Variants in CASZ1 observed in about 807,000 individuals in gnomAD.
The protein encoded by CASZ1 is castor zinc finger 1.
Under a neutral mutation model 135.2 loss-of-function variants are expected in CASZ1, and 28 were observed. The observed-to-expected ratio is 0.21, with a 90% confidence interval of 0.15 to 0.28. CASZ1 has a LOEUF of 0.28. Ranked by LOEUF, CASZ1 falls within the 10% of genes least tolerant of loss-of-function variation. CASZ1 has a pLI of 1.00. For missense variants in CASZ1, 2,161 were observed against 2,453.3 expected (o/e 0.88, Z 2.52); for synonymous variants, 1,068 against 1,073.4 (o/e 0.99, Z 0.10).
At position 10,774,694 on chromosome 1, in the gene CASZ1, G is replaced by A. The variant is rs74894079; in HGVS notation, c.-233-13837C>T. ...TATCTCCCACCACCTGAGTCAACGC[G>A]GACCCCTCTCTTCCCCAAGTGTGAC... is the stretch of plus-strand genomic sequence containing the variant. On this transcript the variant is annotated intron_variant, in intron 1 of 20. Transcript: ENST00000377022. This position sits in a 1 kb window ranked among gnomAD's most constrained non-coding sequence, Gnocchi z 4.4. Among the ~76,000 whole-genome samples, 247 of 152,110 alleles carry A rather than the reference G, an allele frequency of 1.6e-3. 10 individuals carry two copies. In the East Asian group the frequency reaches 0.043, roughly 27 times the overall value.
At position 10,709,131 on chromosome 1, in the gene CASZ1, G is replaced by A. The variant is rs1301706387; in HGVS notation, c.-76-3587C>T. Reference sequence around the variant, plus strand: ...TGGAGCCGCTGCTGGTCCAGGACTTGGCTTTGGAGCCTCTCACCCACAGCT... The same window carrying A: ...TGGAGCCGCTGCTGGTCCAGGACTTAGCTTTGGAGCCTCTCACCCACAGCT... On this transcript the variant is annotated intron_variant, in intron 2 of 20. Transcript: ENST00000377022. The surrounding 1 kb of genome is among the most constrained non-coding windows in gnomAD (Gnocchi z 5.1). Among the ~76,000 whole-genome samples, 1 of 152,168 alleles carries A rather than the reference G, an allele frequency of 6.6e-6. No individual in the cohort carries two copies. The highest frequency in any genetic ancestry group is 2.4e-5 in the African/African-American group (1 of 41,434).
intron 2 of CASZ1, among the ~76,000 whole-genome samples, chr1:10,728,747 C>G (rs1639641319): frequency 6.6e-6 from 1 of 151,954 alleles, no homozygotes; most frequent in African/African-American, 2.4e-5. Context: ...CTGTGACCGA[C>G]CGTCACATGA....
rs79621985 is a variant in CASZ1 at position 10,780,262 on chromosome 1, C to A, written c.-234+16302G>T. On this transcript the variant is annotated intron_variant, in intron 1 of 20. Transcript: ENST00000377022. ...TTCGGGAAAATGGTACAAATATTCC[C>A]ATTTGTCAAAAGCAAGAAGGAAGTG... Among the ~76,000 whole-genome samples the A allele has an allele frequency of 3.3e-3, 508 of 152,306 alleles. 5 individuals carry two copies. The highest frequency in any genetic ancestry group is 0.011 in the African/African-American group (468 of 41,554).
chr1:10,664,859 T>C (rs111251854), intron 5 of CASZ1, among the ~76,000 whole-genome samples: 1,888 of 150,964 alleles, frequency 0.013, 44 homozygotes, highest in African/African-American at 0.044. Context: ...TGTGGTTTCT[T>C]GAAGACCCAC....
At chr1:10,796,528 G>C (rs1283492739) in intron 1 of CASZ1, 36 bp downstream of exon 1, 2 of 152,440 alleles carry the variant, frequency 1.3e-5, no homozygotes, top group Admixed American at 1.3e-4. Flanking sequence ...GGGGGACGTG[G>C]GGGGGCCGCG....
chr1:10,784,074 C>T lies in CASZ1; in HGVS notation c.-234+12490G>A, dbSNP rs368722758. ...CTGGAGAGGTAAGACCCAGGCCCAC[C>T]GTCACAAAGGTCCTAAGTGGGAAAA... is the stretch of plus-strand genomic sequence containing the variant. On this transcript the variant is annotated intron_variant, in intron 1 of 20. Transcript: ENST00000377022. Among the ~76,000 whole-genome samples, 11 of 152,160 alleles carry T rather than the reference C, an allele frequency of 7.2e-5. No homozygotes were observed. The East Asian group carries it at 9.7e-4, about 13-fold the overall frequency.
intron 3 of CASZ1, 41 bp from the exon 4 acceptor site, chr1:10,693,953 A>G (rs780516144): frequency 6.3e-7 from 1 of 1,595,402 alleles, no homozygotes; most frequent in Non-Finnish European, 8.6e-7. Flanking sequence ...GAGAGAAGAA[A>G]CACGGGGTTA....
rs753798524 is a variant in CASZ1 at position 10,717,108 on chromosome 1, G to A, written c.-76-11564C>T. ...GGAGCAGGAGGGACAGACGGCCAGC[G>A]AGGACACTGGGGAGGGCGTGTCTCC... On this transcript the variant is annotated intron_variant, in intron 2 of 20. Coordinates refer to ENST00000377022, the MANE Select transcript of CASZ1 (RefSeq NM_001079843.3). The surrounding 1 kb of genome is among the most constrained non-coding windows in gnomAD (Gnocchi z 4.6). Among the ~76,000 whole-genome samples, 19 of 152,332 alleles carry A rather than the reference G, an allele frequency of 1.2e-4. No homozygotes were observed. Among genetic ancestry groups the A allele is most frequent in the Admixed American group, 2.0e-4 (3 of 15,308 alleles).
intron 1 of CASZ1, among the ~76,000 whole-genome samples, chr1:10,775,050 G>A (rs992992025): frequency 6.6e-6 from 1 of 151,456 alleles, no homozygotes; most frequent in African/African-American, 2.4e-5. Context: ...GGAAACCGGC[G>A]ACACTGGCTC....
chr1:10,746,667 T>C (rs1356515537), intron 2 of CASZ1, among the ~76,000 whole-genome samples: 1 of 152,214 alleles, frequency 6.6e-6, no homozygotes, highest in Non-Finnish European at 1.5e-5. Context: ...ACCCGGGACC[T>C]TCTCCTAGAG....
At position 10,654,607 on chromosome 1, in the gene CASZ1, T is replaced by A; in HGVS notation, c.1666-16A>T. ...TACAGCCCACCTGCACAGGACGGGA[T>A]GGTGGTCAGGCGAACGGAGGCCAGG... On this transcript the variant is annotated splice_polypyrimidine_tract_variant and intron_variant, in intron 9 of 20. Coordinates refer to ENST00000377022, the MANE Select transcript of CASZ1 (RefSeq NM_001079843.3). 6.2e-7 allele frequency: 1 copy of A among 1,611,016 alleles called. No homozygotes were observed.
intron 1 of CASZ1, among the ~76,000 whole-genome samples, chr1:10,779,099 T>C (rs1416364814): frequency 6.6e-6 from 1 of 152,084 alleles, no homozygotes; most frequent in Non-Finnish European, 1.5e-5. Flanking sequence ...CAAAAGAAAG[T>C]TTGTTGTTGA....
chr1:10,775,745 T>C lies in CASZ1; in HGVS notation c.-233-14888A>G, dbSNP rs189923966. Among the ~76,000 whole-genome samples the C allele has an allele frequency of 2.7e-3, 406 of 152,266 alleles. 1 individual carries two copies. The highest frequency in any genetic ancestry group is 9.5e-3 in the African/African-American group (393 of 41,540). ...GTTCACCAGGTTAATAGAGGCCCGA[T>C]GTCAGGACAAGAAGGAGGCCAAAGG... On this transcript the variant is annotated intron_variant, in intron 1 of 20. Coordinates refer to ENST00000377022, the MANE Select transcript of CASZ1 (RefSeq NM_001079843.3).
chr1:10,689,102 G>A (rs989273613), intron 4 of CASZ1, among the ~76,000 whole-genome samples: 1 of 152,180 alleles, frequency 6.6e-6, no homozygotes, highest in African/African-American at 2.4e-5. Flanking sequence ...GGGCATGGGG[G>A]GTGGGCCAGG....
chr1:10,778,966 A>C (rs1557566676), intron 1 of CASZ1, among the ~76,000 whole-genome samples: 1 of 152,168 alleles, frequency 6.6e-6, no homozygotes, highest in African/African-American at 2.4e-5. Flanking sequence ...TATCACCAAT[A>C]GCTCTCCTGG....
rs570468082 is a variant in CASZ1 at position 10,725,362 on chromosome 1, G to A, written c.-76-19818C>T. Among the ~76,000 whole-genome samples the A allele has an allele frequency of 2.9e-5, 4 of 139,638 alleles. No individual in the cohort carries two copies. The highest frequency in any genetic ancestry group is 1.6e-5 in the Non-Finnish European group (1 of 63,874). 91.6% of individuals were successfully genotyped at this position (139,638 alleles called of 152,430 possible). A position where few individuals can be genotyped will look rare whatever the true frequency, so the allele number is the denominator to read the frequency against. ...AGCTCCCCTCCCGCCCTCCCTCTCC[G>A]GCAGGCTCCTCTCAAGTACTGAGCC... On this transcript the variant is annotated intron_variant, in intron 2 of 20. Coordinates refer to ENST00000377022, the MANE Select transcript of CASZ1 (RefSeq NM_001079843.3). This position sits in a 1 kb window ranked among gnomAD's most constrained non-coding sequence, Gnocchi z 4.4.
Position 10,711,306 on chromosome 1 carries a change from G to T in CASZ1, c.-76-5762C>A, listed in dbSNP as rs1227768080. On this transcript the variant is annotated intron_variant, in intron 2 of 20. Coordinates refer to ENST00000377022, the MANE Select transcript of CASZ1 (RefSeq NM_001079843.3). The surrounding 1 kb of genome is among the most constrained non-coding windows in gnomAD (Gnocchi z 4.4). ...CCCATGAGTACCTAGCTCAAAGGAAGTTCATTCAGTATTTCTTGGGCACCT... is the reference window on the plus strand; with the variant it reads ...CCCATGAGTACCTAGCTCAAAGGAATTTCATTCAGTATTTCTTGGGCACCT... 2.6e-5 allele frequency among the ~76,000 whole-genome samples: 4 copies of T among 152,206 alleles called. No homozygotes were observed. Among genetic ancestry groups the T allele is most frequent in the African/African-American group, 9.6e-5 (4 of 41,464 alleles).
Position 10,639,098 on chromosome 1 carries a change from C to CTCGTCGTCGTCCTCG in CASZ1, c.5109_5123dup (p.Asp1703_Asp1707dup), listed in dbSNP as rs762322588. 1.7e-5 allele frequency: 19 copies of CTCGTCGTCGTCCTCG among 1,119,716 alleles called. 1 individual carries two copies. Among genetic ancestry groups the CTCGTCGTCGTCCTCG allele is most frequent in the Non-Finnish European group, 2.0e-5 (18 of 886,152 alleles). 69.4% of individuals were successfully genotyped at this position (1,119,716 alleles called of 1,614,324 possible). A position where few individuals can be genotyped will look rare whatever the true frequency, so the allele number is the denominator to read the frequency against. ...TGCGCAGGTCCTCGTCGTCGTCGTC[C>CTCGTCGTCGTCCTCG]TCGTCGTCGTCCTCGTCGTCGTCGT... is the stretch of plus-strand genomic sequence containing the variant. On this transcript the variant is annotated inframe_insertion, in exon 21 of 21. Coordinates refer to ENST00000377022, the MANE Select transcript of CASZ1 (RefSeq NM_001079843.3). This position sits in a 1 kb window ranked among gnomAD's most constrained non-coding sequence, Gnocchi z 4.0.
At chr1:10,662,795 C>T (rs1643093466) in intron 5 of CASZ1, among the ~76,000 whole-genome samples, 1 of 152,164 alleles carries the variant, frequency 6.6e-6, no homozygotes, top group East Asian at 1.9e-4. Flanking sequence ...CAGCTCCCAT[C>T]CCTAGCCGCC....
Sources: gnomAD v4.1 joint callset for allele counts (sites outside exome capture counted in the v4.1 genomes callset) on GRCh38, gnomAD v4.1.1 for gene constraint, Gnocchi (gnomAD v3.1) non-coding constraint, MANE v1.5 for transcripts, NCBI Gene and HGNC (gene_info 2026-07-23, HGNC 2026-07-21) for gene names.